Variants in OR52E8 observed in about 807,000 individuals in gnomAD.
OR52E8 encodes the protein olfactory receptor 52E8.
For synonymous variants in OR52E8, 167 were observed against 141.1 expected (o/e 1.18, Z -1.30); for missense variants, 451 against 383.9 (o/e 1.17, Z -1.46).
In OR52E8 at chr11:5,857,550, G is replaced by C. The variant is rs920227006; in HGVS notation, c.141C>G (p.Leu47=). The change falls in exon 1 of 1, where the codon CTC becomes CTG. Residue 47 remains leucine, a synonymous_variant. Transcript: ENST00000537935. The stretch of plus-strand genomic sequence containing the variant: ...TCTGCTCAGTCTGGATCACAAACAA[G>C]AGAGCAGTGTTTCCCAGGAGTGCAA... ...YLVALLGNTA[L]LFVIQTEQSL... is the part of the protein sequence containing the mutation. 6.2e-7 allele frequency: 1 copy of C among 1,609,372 alleles called. No individual in the cohort carries two copies. Among genetic ancestry groups the C allele is most frequent in the Non-Finnish European group, 8.5e-7 (1 of 1,179,806 alleles).
In OR52E8 at chr11:5,857,669, G is replaced by C. The variant is rs1270561307; in HGVS notation, c.22C>G (p.Gln8Glu). 13 of 1,609,210 alleles carry C rather than the reference G, an allele frequency of 8.1e-6. No homozygotes were observed. The highest frequency in any genetic ancestry group is 1.1e-5 in the Non-Finnish European group (13 of 1,179,554). MSTSNHT[Q>E]FHPSSFLLLG... ...AGTAGGAATGAAGAAGGATGGAACT[G>C]GGTGTGATTAGACGTAGACATTCTT... The change falls in exon 1 of 1, where the codon CAG becomes GAG. Residue 8 changes from glutamine (Q) to glutamate (E), a missense_variant. By Grantham distance (29) the Gln-to-Glu change is conservative. Coordinates refer to ENST00000537935, the MANE Select transcript of OR52E8 (RefSeq NM_001005168.3).
Position 5,857,457 on chromosome 11 carries a change from G to A in OR52E8, c.234C>T (p.Ala78=), listed in dbSNP as rs757061152. The change falls in exon 1 of 1, where the codon GCC becomes GCT. Residue 78 remains alanine (A), a synonymous_variant. Coordinates refer to ENST00000537935, the MANE Select transcript of OR52E8 (RefSeq NM_001005168.3). ...LDSIDLGLST[A]TIPKMLGIFW... is the part of the protein sequence containing the mutation. ...AGATGCCCAACATTTTGGGGATGGT[G>A]GCTGTAGACAAGCCCAGGTCAATGG... is the stretch of plus-strand genomic sequence containing the variant. 1.2e-6 allele frequency: 2 copies of A among 1,610,022 alleles called. No individual in the cohort carries two copies. The highest frequency in any genetic ancestry group is 1.7e-6 in the Non-Finnish European group (2 of 1,179,850).
chr11:5,857,397 G>A lies in OR52E8; in HGVS notation c.294C>T (p.Gly98=). Residue 98 remains glycine (G), a synonymous_variant, in exon 1 of 1, where the codon GGC becomes GGT. Transcript: ENST00000537935. ...GGATGAAGAACATGTGAGAAAGGCA[G>A]CCTCCAAAAGATATTTCTTTGGTAT... ...WFNTKEISFG[G]CLSHMFFIHF... is the part of the protein sequence containing the mutation. 6.2e-7 allele frequency: 1 copy of A among 1,610,270 alleles called. No homozygotes were observed. Among genetic ancestry groups the A allele is most frequent in the South Asian group, 1.1e-5 (1 of 91,074 alleles).
At position 5,856,764 on chromosome 11, in the gene OR52E8, G is replaced by C. The variant is rs772042756; in HGVS notation, c.927C>G (p.Leu309=). The part of the protein sequence containing the change: ...QIRERVLRIF[L]KTNH ...CTCCAACTGGTTAGTGATTGGTCTT[G>C]AGAAAAATCCTCAGCACTCTCTCTC... Residue 309 remains leucine, a synonymous_variant, in exon 1 of 1, where the codon CTC becomes CTG. Transcript: ENST00000537935. The C allele has an allele frequency of 6.5e-7, 1 of 1,547,054 alleles. No individual in the cohort carries two copies. Among genetic ancestry groups the C allele is most frequent in the Non-Finnish European group, 8.7e-7 (1 of 1,150,720 alleles).
rs1229314653 is a variant in OR52E8 at position 5,857,492 on chromosome 11, T to C, written c.199A>G (p.Met67Val). Residue 67 changes from methionine to valine, a missense_variant, in exon 1 of 1, where the codon ATG (methionine) becomes GTG (valine). Coordinates refer to ENST00000537935, the MANE Select transcript of OR52E8 (RefSeq NM_001005168.3). Reference protein sequence around the residue: ...LHEPMYYFLAMLDSIDLGLST... With the variant: ...LHEPMYYFLAVLDSIDLGLST... ...AAGCCCAGGTCAATGGAATCCAACA[T>C]GGCCAGGAAGTAGTACATAGGCTCA... is the stretch of plus-strand genomic sequence containing the variant. The C allele has an allele frequency of 2.5e-6, 4 of 1,609,688 alleles. No homozygotes were observed. The highest frequency in any genetic ancestry group is 2.5e-6 in the Non-Finnish European group (3 of 1,179,834).
Position 5,857,353 on chromosome 11 carries a change from T to C in OR52E8, c.338A>G (p.Glu113Gly). The change falls in exon 1 of 1, where the codon GAG (glutamate) becomes GGG (glycine). Residue 113 changes from glutamate to glycine, a missense_variant. By Grantham distance (98) the Glu-to-Gly change is moderately conservative (BLOSUM62 -2). Coordinates refer to ENST00000537935, the MANE Select transcript of OR52E8 (RefSeq NM_001005168.3). ...MFFIHFFTAM[E>G]SIVLVAMAFD... ...GGCCATGGCCACCAACACAATGCTC[T>C]CCATAGCAGTGAAGAAATGGATGAA... is the stretch of plus-strand genomic sequence containing the variant. 10 of 1,610,190 alleles carry C rather than the reference T, an allele frequency of 6.2e-6. No homozygotes were observed. Among genetic ancestry groups the C allele is most frequent in the Non-Finnish European group, 8.5e-6 (10 of 1,179,902 alleles).
Position 5,857,500 on chromosome 11 carries a change from A to C in OR52E8, c.191T>G (p.Phe64Cys), listed in dbSNP as rs141598982. 5.6e-5 allele frequency: 90 copies of C among 1,609,778 alleles called. 8 individuals are homozygous for C. In the African/African-American group the frequency reaches 1.0e-3, roughly 19 times the overall value. Residue 64 changes from phenylalanine to cysteine, a missense_variant, in exon 1 of 1, where the codon TTC (phenylalanine) becomes TGC (cysteine). By Grantham distance (205) the Phe-to-Cys change is radical (BLOSUM62 -2). Coordinates refer to ENST00000537935, the MANE Select transcript of OR52E8 (RefSeq NM_001005168.3). ...GTCAATGGAATCCAACATGGCCAGG[A>C]AGTAGTACATAGGCTCATGGAGACT... ...EQSLHEPMYYFLAMLDSIDLG... is the reference protein window; with the variant it reads ...EQSLHEPMYYCLAMLDSIDLG...
Position 5,857,066 on chromosome 11 carries a change from A to C in OR52E8, c.625T>G (p.Leu209Val), listed in dbSNP as rs752511075. 7 of 1,608,872 alleles carry C rather than the reference A, an allele frequency of 4.4e-6. No homozygotes were observed. In the South Asian group the frequency reaches 6.6e-5, roughly 15 times the overall value. ...RFGLGNISLL[L>V]LDVILIILSY... ...AGAATAATAAGGATAACATCCAGTA[A>C]CAAGAGAGATATGTTGCCAAGGCCA... The change falls in exon 1 of 1, where the codon TTA becomes GTA. Residue 209 changes from leucine to valine, a missense_variant. By Grantham distance (32) the Leu-to-Val change is conservative (BLOSUM62 1). Transcript: ENST00000537935.
rs778319258 is a variant in OR52E8 at position 5,857,247 on chromosome 11, G to A, written c.444C>T (p.Gly148=). 5.6e-6 allele frequency: 9 copies of A among 1,609,936 alleles called. No individual in the cohort carries two copies. Among genetic ancestry groups the A allele is most frequent in the Non-Finnish European group, 6.8e-6 (8 of 1,179,900 alleles). The part of the protein sequence containing the change: ...LTSKIISLIA[G]IAVLRSLYMV... ...TGTACAGGCTCCTCAGGACAGCAAT[G>A]CCTGCAATGAGGCTGATGATTTTGC... Residue 148 remains glycine (G), a synonymous_variant, in exon 1 of 1, where the codon GGC becomes GGT. Transcript: ENST00000537935.
Position 5,856,790 on chromosome 11 carries a change from G to A in OR52E8, c.901C>T (p.Arg301Ter), listed in dbSNP as rs142656457. 1.6e-5 allele frequency: 26 copies of A among 1,578,026 alleles called. No individual in the cohort carries two copies. The highest frequency in any genetic ancestry group is 6.7e-5 in the East Asian group (3 of 44,640). ...VIYGVRTKQI[R>*]ERVLRIFLKT... ...AGAAAAATCCTCAGCACTCTCTCTCGAATCTGCTTTGTCCTGACTCCATAG... is the reference window on the plus strand; with the variant it reads ...AGAAAAATCCTCAGCACTCTCTCTCAAATCTGCTTTGTCCTGACTCCATAG... The change falls in exon 1 of 1, where the codon CGA becomes TGA. Residue 301 changes from arginine to a stop codon, truncating the protein, a stop_gained. Coordinates refer to ENST00000537935, the MANE Select transcript of OR52E8 (RefSeq NM_001005168.3). LOFTEE classifies it low-confidence loss of function (END_TRUNC).
In OR52E8 at chr11:5,857,477, C is replaced by A; in HGVS notation, c.214G>T (p.Asp72Tyr). 1.2e-6 allele frequency: 2 copies of A among 1,609,726 alleles called. No homozygotes were observed. The highest frequency in any genetic ancestry group is 1.7e-6 in the Non-Finnish European group (2 of 1,179,792). ...ATGGTGGCTGTAGACAAGCCCAGGT[C>A]AATGGAATCCAACATGGCCAGGAAG... ...YYFLAMLDSI[D>Y]LGLSTATIPK... is the part of the protein sequence containing the mutation. Residue 72 changes from aspartate to tyrosine, a missense_variant, in exon 1 of 1, where the codon GAC becomes TAC. By Grantham distance (160) the Asp-to-Tyr change is radical. Transcript: ENST00000537935.
Position 5,856,952 on chromosome 11 carries a change from C to T in OR52E8, c.739G>A (p.Gly247Ser), listed in dbSNP as rs772802955. 2.8e-5 allele frequency: 45 copies of T among 1,604,296 alleles called. 1 individual carries two copies. The Middle Eastern group carries it at 8.3e-4, about 30-fold the overall frequency. Residue 247 changes from glycine (G) to serine (S), a missense_variant, in exon 1 of 1, where the codon GGT (glycine) becomes AGT (serine). Gly to Ser is a moderately conservative substitution (Grantham distance 56). Coordinates refer to ENST00000537935, the MANE Select transcript of OR52E8 (RefSeq NM_001005168.3). ...GGTGTAAAAAAGGCTAAGATAACAC[C>T]AATATGAGAACCACAGGTGTTGAGA... The part of the protein sequence containing the change: ...KALNTCGSHI[G>S]VILAFFTPAF...
chr11:5,857,549 A>G lies in OR52E8; in HGVS notation c.142T>C (p.Leu48=). ...CTCTGCTCAGTCTGGATCACAAACA[A>G]GAGAGCAGTGTTTCCCAGGAGTGCA... The part of the protein sequence containing the change: ...LVALLGNTAL[L]FVIQTEQSLH... Residue 48 remains leucine (L), a synonymous_variant, in exon 1 of 1, where the codon TTG becomes CTG. Coordinates refer to ENST00000537935, the MANE Select transcript of OR52E8 (RefSeq NM_001005168.3). The G allele has an allele frequency of 1.9e-6, 3 of 1,609,550 alleles. No individual in the cohort carries two copies. Among genetic ancestry groups the G allele is most frequent in the Non-Finnish European group, 1.7e-6 (2 of 1,179,788 alleles).
At position 5,856,803 on chromosome 11, in the gene OR52E8, C is replaced by A. The variant is rs1210791230; in HGVS notation, c.888G>T (p.Arg296Ser). 1 of 1,600,722 alleles carries A rather than the reference C, an allele frequency of 6.2e-7. No individual in the cohort carries two copies. Among genetic ancestry groups the A allele is most frequent in the Non-Finnish European group, 8.5e-7 (1 of 1,176,818 alleles). The change falls in exon 1 of 1, where the codon AGG (arginine) becomes AGT (serine). Residue 296 changes from arginine to serine, a missense_variant. Coordinates refer to ENST00000537935, the MANE Select transcript of OR52E8 (RefSeq NM_001005168.3). ...PALNPVIYGV[R>S]TKQIRERVLR... Reference sequence around the variant, plus strand: ...GCACTCTCTCTCGAATCTGCTTTGTCCTGACTCCATAGATTACAGGATTGA... The same window carrying A: ...GCACTCTCTCTCGAATCTGCTTTGTACTGACTCCATAGATTACAGGATTGA...
In OR52E8 at chr11:5,856,885, A is replaced by T; in HGVS notation, c.806T>A (p.Ile269Asn). The T allele has an allele frequency of 6.2e-7, 1 of 1,607,488 alleles. No individual in the cohort carries two copies. Among genetic ancestry groups the T allele is most frequent in the Non-Finnish European group, 8.5e-7 (1 of 1,179,540 alleles). The change falls in exon 1 of 1, where the codon ATC becomes AAC. Residue 269 changes from isoleucine to asparagine, a missense_variant. By Grantham distance (149) the Ile-to-Asn change is moderately radical (BLOSUM62 -3). Transcript: ENST00000537935. ...SFLTHRFGHN[I>N]PQYIHIILAN... ...TAATATAATATGTATATACTGTGGG[A>T]TATTATGGCCAAAACGATGTGTCAA...
Position 5,856,841 on chromosome 11 carries a change from C to A in OR52E8, c.850G>T (p.Val284Phe). ...HIILANLYVV[V>F]PPALNPVIYG... Reference sequence around the variant, plus strand: ...ATTACAGGATTGAGGGCTGGTGGGACAACCACATACAGGTTGGCTAATATA... The same window carrying A: ...ATTACAGGATTGAGGGCTGGTGGGAAAACCACATACAGGTTGGCTAATATA... The change falls in exon 1 of 1, where the codon GTC (valine) becomes TTC (phenylalanine). Residue 284 changes from valine (V) to phenylalanine (F), a missense_variant. Val to Phe is a conservative substitution (Grantham distance 50). Transcript: ENST00000537935. The A allele has an allele frequency of 1.2e-6, 2 of 1,607,180 alleles. No individual in the cohort carries two copies. The highest frequency in any genetic ancestry group is 1.7e-6 in the Non-Finnish European group (2 of 1,179,306).
At position 5,857,329 on chromosome 11, in the gene OR52E8, G is replaced by A. The variant is rs146349740; in HGVS notation, c.362C>T (p.Ala121Val). 1.2e-6 allele frequency: 2 copies of A among 1,610,258 alleles called. No homozygotes were observed. The highest frequency in any genetic ancestry group is 1.7e-6 in the Non-Finnish European group (2 of 1,179,896). The change falls in exon 1 of 1, where the codon GCC becomes GTC. Residue 121 changes from alanine (A) to valine (V), a missense_variant. Coordinates refer to ENST00000537935, the MANE Select transcript of OR52E8 (RefSeq NM_001005168.3). ...GCAAATGGCAATGTAGCGGTCAAAG[G>A]CCATGGCCACCAACACAATGCTCTC... ...AMESIVLVAM[A>V]FDRYIAICKP...
Position 5,856,822 on chromosome 11 carries a change from G to A in OR52E8, c.869C>T (p.Pro290Leu). The A allele has an allele frequency of 6.2e-7, 1 of 1,606,392 alleles. No individual in the cohort carries two copies. The highest frequency in any genetic ancestry group is 1.1e-5 in the South Asian group (1 of 90,712). Residue 290 changes from proline to leucine, a missense_variant, in exon 1 of 1, where the codon CCT becomes CTT. Physicochemically the swap from Pro to Leu is moderately conservative, Grantham distance 98. Transcript: ENST00000537935. Reference protein sequence around the residue: ...LYVVVPPALNPVIYGVRTKQI... With the variant: ...LYVVVPPALNLVIYGVRTKQI... ...CTTTGTCCTGACTCCATAGATTACA[G>A]GATTGAGGGCTGGTGGGACAACCAC...
Position 5,857,555 on chromosome 11 carries a change from C to G in OR52E8, c.136G>C (p.Ala46Pro). Residue 46 changes from alanine (A) to proline (P), a missense_variant, in exon 1 of 1, where the codon GCT (alanine) becomes CCT (proline). Ala to Pro is a conservative substitution (Grantham distance 27, BLOSUM62 -1). Coordinates refer to ENST00000537935, the MANE Select transcript of OR52E8 (RefSeq NM_001005168.3). ...VYLVALLGNT[A>P]LLFVIQTEQS... ...TCAGTCTGGATCACAAACAAGAGAG[C>G]AGTGTTTCCCAGGAGTGCAACAAGA... 6.2e-7 allele frequency: 1 copy of G among 1,609,186 alleles called. No individual in the cohort carries two copies. The highest frequency in any genetic ancestry group is 8.5e-7 in the Non-Finnish European group (1 of 1,179,720).
Sources: gnomAD v4.1 joint callset for allele counts on GRCh38, gnomAD v4.1.1 for gene constraint, MANE v1.5 for transcripts, NCBI Gene and HGNC (gene_info 2026-07-23, HGNC 2026-07-21) for gene names.